Variants in TMEM150B observed in about 807,000 individuals in gnomAD.
TMEM150B encodes the protein modulator of macroautophagy TMEM150B.
In TMEM150B, 33 loss-of-function variants were observed where a neutral mutation model predicts 25.2. That is an observed-to-expected ratio of 1.31 (90% confidence interval 0.99 to 1.75). TMEM150B has a LOEUF of 1.75. Ranked by LOEUF, TMEM150B falls within the 40% of genes most tolerant of loss-of-function variation. TMEM150B has a pLI of 0.00. For synonymous variants in TMEM150B, 133 were observed against 134.8 expected (o/e 0.99, Z 0.09); for missense variants, 322 against 306.1 (o/e 1.05, Z -0.39).
In TMEM150B at chr19:55,312,946, G is replaced by A. The variant is rs1235048367; in HGVS notation, c.615C>T (p.Ala205=). ...LFGLLAVDFS[A]LESCTLCVQP... is the part of the protein sequence containing the mutation. ...GAACACACAGGGTGCAGCTCTCCAG[G>A]GCGGAGAAGTCAACGGCTAAGAGAC... The change falls in exon 8 of 8, where the codon GCC becomes GCT. Residue 205 remains alanine, a synonymous_variant. Coordinates refer to ENST00000326652, the MANE Select transcript of TMEM150B (RefSeq NM_001282011.2). The A allele has an allele frequency of 1.9e-6, 3 of 1,613,190 alleles. No individual in the cohort carries two copies. Among genetic ancestry groups the A allele is most frequent in the Admixed American group, 3.3e-5 (2 of 59,958 alleles).
chr19:55,316,883 G>A lies in TMEM150B; in HGVS notation c.408C>T (p.Leu136=). The A allele has an allele frequency of 6.2e-7, 1 of 1,604,802 alleles. No homozygotes were observed. Among genetic ancestry groups the A allele is most frequent in the Non-Finnish European group, 8.5e-7 (1 of 1,176,574 alleles). Residue 136 remains leucine, a synonymous_variant, in exon 7 of 8, where the codon CTC becomes CTT. Transcript: ENST00000326652. ...GGGGCAGCCTCTTCAGCCTCCACAG[G>A]AGGAGCTGCAGCCAGAAGTAGACGT... ...LGNVYFWLQL[L]LWRLKRLPQP...
chr19:55,324,060 A>T (rs1600236920), intron 1 of TMEM150B, among the ~76,000 whole-genome samples: 1 of 151,868 alleles, frequency 6.6e-6, no homozygotes, highest in Non-Finnish European at 1.5e-5. Context: ...CCCCTGCCTC[A>T]GCCTCCCAAA....
At chr19:55,323,656 C>T (rs2089261704) in intron 1 of TMEM150B, among the ~76,000 whole-genome samples, 1 of 151,322 alleles carries the variant, frequency 6.6e-6, no homozygotes, top group Admixed American at 6.6e-5. Context: ...GCCGGTGCCA[C>T]CATGCCTGGC....
At position 55,314,540 on chromosome 19, in the gene TMEM150B, G is replaced by A. The variant is rs574300506; in HGVS notation, c.506-1485C>T. 7.6e-4 allele frequency among the ~76,000 whole-genome samples: 115 copies of A among 152,238 alleles called. 1 individual carries two copies. The highest frequency in any genetic ancestry group is 2.4e-3 in the African/African-American group (100 of 41,546). ...TCAGAATCCGGCCAGGCTCAGGCCC[G>A]TCTTTACAGACGTCCATCCCTTACG... On this transcript the variant is annotated intron_variant, in intron 7 of 7. Coordinates refer to ENST00000326652, the MANE Select transcript of TMEM150B (RefSeq NM_001282011.2).
In TMEM150B at chr19:55,316,942, A is replaced by T. The variant is rs1046986544; in HGVS notation, c.349T>A (p.Leu117Met). 5.0e-6 allele frequency: 8 copies of T among 1,604,884 alleles called. No homozygotes were observed. In the African/African-American group the frequency reaches 1.1e-4, roughly 22 times the overall value. ...ATGAAGGCAAGGAAGGCCCCTGCCA[A>T]GTGCGTAGGCCGCTGGTTCTTTTCC... ...FQEKNQRPTH[L>M]AGAFLAFILG... Residue 117 changes from leucine to methionine, a missense_variant, in exon 7 of 8, where the codon TTG becomes ATG. Physicochemically the swap from Leu to Met is conservative, Grantham distance 15. Coordinates refer to ENST00000326652, the MANE Select transcript of TMEM150B (RefSeq NM_001282011.2).
intron 1 of TMEM150B, among the ~76,000 whole-genome samples, chr19:55,323,507 C>CT (rs952751873): frequency 6.8e-4 from 99 of 144,572 alleles, no homozygotes; most frequent in Middle Eastern, 3.6e-3. Context: ...TCGCCTCTTT[C>CT]TTTTTTTTTT....
intron 6 of TMEM150B, among the ~76,000 whole-genome samples, chr19:55,317,852 C>A (rs1297614573): frequency 6.6e-6 from 1 of 151,814 alleles, no homozygotes; most frequent in Non-Finnish European, 1.5e-5. Flanking sequence ...ACTCAGGAGG[C>A]TGAGGCTGGA....
downstream of TMEM150B, among the ~76,000 whole-genome samples, chr19:55,310,508 T>A (rs573704812): frequency 7.2e-5 from 11 of 152,308 alleles, no homozygotes; most frequent in African/African-American, 2.2e-4. The surrounding 1 kb of genome is among the most constrained non-coding windows in gnomAD (Gnocchi z 5.0). Flanking sequence ...GGTATTTGCA[T>A]GTGGACATCT....
At chr19:55,311,933 C>G (rs1190003160), downstream of TMEM150B, 1 of 1,611,572 alleles carries the variant, frequency 6.2e-7, no homozygotes, top group South Asian at 1.1e-5. Context: ...GGGCCCAGAC[C>G]CGGCCTGCTG....
chr19:55,314,314 G>T (rs887722557), intron 7 of TMEM150B, among the ~76,000 whole-genome samples: 4 of 152,156 alleles, frequency 2.6e-5, no homozygotes, highest in African/African-American at 7.2e-5. Context: ...GAGCCACAAT[G>T]CCTGACCGTA....
chr19:55,320,530 C>T (rs373226497), intron 4 of TMEM150B, 28 bp downstream of exon 4: 1 of 1,613,820 alleles, frequency 6.2e-7, no homozygotes, highest in Non-Finnish European at 8.5e-7. Context: ...GGCGATCCCC[C>T]CAAATCCCTA....
chr19:55,324,249 T>TC (rs1442707736), intron 1 of TMEM150B, among the ~76,000 whole-genome samples: 1 of 151,070 alleles, frequency 6.6e-6, no homozygotes, highest in African/African-American at 2.4e-5. Flanking sequence ...ACGCCTGTAG[T>TC]CCCAGCACTT....
In TMEM150B at chr19:55,320,033, T is replaced by C; in HGVS notation, c.324+6A>G. On this transcript the variant is annotated splice_donor_region_variant and intron_variant, in intron 6 of 7. Transcript: ENST00000326652. ...GGACAGACCCTGGGCGCCGACTGGG[T>C]CTCACCTGGAAATTGCCTACCACGG... 6.2e-7 allele frequency: 1 copy of C among 1,613,444 alleles called. No homozygotes were observed. The highest frequency in any genetic ancestry group is 8.5e-7 in the Non-Finnish European group (1 of 1,179,900).
At chr19:55,317,725 G>A (rs1019514973) in intron 6 of TMEM150B, among the ~76,000 whole-genome samples, 1 of 151,880 alleles carries the variant, frequency 6.6e-6, no homozygotes, top group African/African-American at 2.4e-5. Flanking sequence ...AGGTTGCAGT[G>A]AGCCAAGATC....
chr19:55,316,480 T>G (rs754990820), intron 7 of TMEM150B, among the ~76,000 whole-genome samples: 4 of 151,810 alleles, frequency 2.6e-5, no homozygotes, highest in Non-Finnish European at 4.4e-5. Context: ...ATGCCTATTA[T>G]CCTATCCACT....
rs772938770 is a variant in TMEM150B at position 55,312,936 on chromosome 19, A to G, written c.625T>C (p.Cys209Arg). 3 of 1,612,530 alleles carry G rather than the reference A, an allele frequency of 1.9e-6. No individual in the cohort carries two copies. Among genetic ancestry groups the G allele is most frequent in the East Asian group, 2.2e-5 (1 of 44,832 alleles). The change falls in exon 8 of 8, where the codon TGC (cysteine) becomes CGC (arginine). Residue 209 changes from cysteine to arginine, a missense_variant. Physicochemically the swap from Cys to Arg is radical, Grantham distance 180 (BLOSUM62 -3). Coordinates refer to ENST00000326652, the MANE Select transcript of TMEM150B (RefSeq NM_001282011.2). ...LAVDFSALES[C>R]TLCVQPWPSL... ...GGCCACGGCTGAACACACAGGGTGC[A>G]GCTCTCCAGGGCGGAGAAGTCAACG...
intron 2 of TMEM150B, 47 bp downstream of exon 2, chr19:55,322,601 C>T: frequency 1.1e-6 from 1 of 916,450 alleles, no homozygotes; most frequent in Non-Finnish European, 1.3e-6. Context: ...GCCCTCCCAG[C>T]CCCTCCGTGC....
At chr19:55,323,448 A>T (rs1273234416) in intron 1 of TMEM150B, among the ~76,000 whole-genome samples, 1 of 152,182 alleles carries the variant, frequency 6.6e-6, no homozygotes, top group African/African-American at 2.4e-5. Context: ...AAAGAAAAAA[A>T]AAATGTGCGA....
chr19:55,320,145 C>G lies in TMEM150B; in HGVS notation c.218G>C (p.Arg73Pro), dbSNP rs753752681. The change falls in exon 6 of 8, where the codon CGT becomes CCT. Residue 73 changes from arginine (R) to proline (P), a missense_variant. Arg to Pro is a moderately radical substitution (Grantham distance 103, BLOSUM62 -2). Transcript: ENST00000326652. The stretch of plus-strand genomic sequence containing the variant: ...GCCCCAGTCCCGGAGCTGGTGGTAA[C>G]GGACAATGCAGATCCACGCGGCTGG... ...AALAAWICIV[R>P]YHQLRDWGVR... 2 of 1,614,070 alleles carry G rather than the reference C, an allele frequency of 1.2e-6. No individual in the cohort carries two copies. The highest frequency in any genetic ancestry group is 1.7e-6 in the Non-Finnish European group (2 of 1,179,996).
Sources: gnomAD v4.1 joint callset for allele counts (sites outside exome capture counted in the v4.1 genomes callset) on GRCh38, gnomAD v4.1.1 for gene constraint, Gnocchi (gnomAD v3.1) non-coding constraint, MANE v1.5 for transcripts, NCBI Gene and HGNC (gene_info 2026-07-23, HGNC 2026-07-21) for gene names.